GMDS: variants seen among roughly 807,000 people sequenced by gnomAD.
The protein encoded by GMDS is GDP-mannose 4,6 dehydratase.
A neutral mutation model predicts 49.9 loss-of-function variants in GMDS; 20 were observed. The ratio of observed to expected loss-of-function variants is 0.40; its 90% CI spans 0.28 to 0.58. The LOEUF (loss-of-function observed/expected upper bound fraction) is 0.58, where lower values mean the gene tolerates loss of function less well. Ranked by LOEUF, GMDS falls within the 20% of genes least tolerant of loss-of-function variation. The probability of loss-of-function intolerance (pLI) is 0.42; values close to 1 mark genes in which losing one functional copy is unlikely to be tolerated. For synonymous variants in GMDS, 177 were observed against 178.6 expected, an observed-to-expected ratio of 0.99 and a Z score of 0.07; for missense variants, 362 against 481.4, an observed-to-expected ratio of 0.75 and a Z score of 2.32.
intron 1 of GMDS, among the ~76,000 whole-genome samples, chr6:2,125,022 G>T (rs1246630489): frequency 6.6e-6 from 1 of 152,210 alleles, no homozygotes; most frequent in Non-Finnish European, 1.5e-5. Context: ...GAATCAGATG[G>T]ATTTGGGTTT....
intron 1 of GMDS, among the ~76,000 whole-genome samples, chr6:2,192,302 C>G (rs1412027471): frequency 6.6e-6 from 1 of 152,168 alleles, no homozygotes; most frequent in African/African-American, 2.4e-5. Context: ...CACTGTGGGT[C>G]TTCTCTGAGC....
intron 7 of GMDS, among the ~76,000 whole-genome samples, chr6:1,872,339 G>C (rs1758803901): frequency 1.3e-5 from 2 of 152,144 alleles, no homozygotes; most frequent in African/African-American, 2.4e-5. Flanking sequence ...CTATTCTTTT[G>C]CCTATGACTT....
At chr6:1,894,736 T>A (rs562511228) in intron 7 of GMDS, among the ~76,000 whole-genome samples, 169 of 152,336 alleles carry the variant, frequency 1.1e-3, no homozygotes, top group African/African-American at 3.1e-3. Context: ...ATCATTTTTT[T>A]AAAAAATTCT....
intron 4 of GMDS, among the ~76,000 whole-genome samples, chr6:1,972,464 T>C (rs879295827): frequency 1.3e-5 from 2 of 152,172 alleles, no homozygotes; most frequent in Non-Finnish European, 2.9e-5. Flanking sequence ...AAAAACTCAC[T>C]GAGATTCTTT....
At chr6:2,178,317 G>A (rs1272779725) in intron 1 of GMDS, among the ~76,000 whole-genome samples, 2 of 152,094 alleles carry the variant, frequency 1.3e-5, no homozygotes, top group Admixed American at 6.6e-5. Context: ...TTGGCTTCTG[G>A]GGAGGCCTCA....
chr6:1,809,230 A>C (rs1403486372), intron 7 of GMDS, among the ~76,000 whole-genome samples: 1 of 152,208 alleles, frequency 6.6e-6, no homozygotes, highest in African/African-American at 2.4e-5. Flanking sequence ...AATCCAATCA[A>C]GAATATAAAG....
intron 9 of GMDS, among the ~76,000 whole-genome samples, chr6:1,654,503 C>A (rs1763810285): frequency 6.6e-6 from 1 of 152,142 alleles, no homozygotes; most frequent in South Asian, 2.1e-4. Context: ...GTGAAATAAG[C>A]CCATTATGAA....
intron 6 of GMDS, among the ~76,000 whole-genome samples, chr6:1,933,570 C>T (rs1054826251): frequency 9.9e-5 from 15 of 152,162 alleles, no homozygotes; most frequent in African/African-American, 3.1e-4. Flanking sequence ...TAGTTGGCAC[C>T]GAGTGGTATC....
At chr6:2,040,318 G>A (rs1272450233) in intron 4 of GMDS, among the ~76,000 whole-genome samples, 2 of 152,154 alleles carry the variant, frequency 1.3e-5, no homozygotes, top group African/African-American at 2.4e-5. Flanking sequence ...ACCAGGTGGT[G>A]GGCATATCAT....
chr6:2,131,723 A>G (rs1211856399), intron 1 of GMDS, among the ~76,000 whole-genome samples: 1 of 152,206 alleles, frequency 6.6e-6, no homozygotes, highest in African/African-American at 2.4e-5. Context: ...ATATATAGAT[A>G]CAGCAAGGGT....
At chr6:1,911,571 T>G (rs1257394387) in intron 7 of GMDS, among the ~76,000 whole-genome samples, 3 of 146,728 alleles carry the variant, frequency 2.0e-5, no homozygotes, top group Admixed American at 2.0e-4. Flanking sequence ...AAAAAAGCCG[T>G]GGAATTTGTC....
chr6:2,164,318 G>C (rs939527656), intron 1 of GMDS, among the ~76,000 whole-genome samples: 1 of 152,182 alleles, frequency 6.6e-6, no homozygotes, highest in Non-Finnish European at 1.5e-5. Context: ...ATTTTGGAGT[G>C]TAGTGTACCT....
chr6:2,163,702 CT>C (rs1465276886), intron 1 of GMDS, among the ~76,000 whole-genome samples: 2 of 152,222 alleles, frequency 1.3e-5, no homozygotes, highest in Non-Finnish European at 2.9e-5. Flanking sequence ...CTATTCAGGA[CT>C]TCAAATACCT....
At chr6:1,911,080 G>A (rs573723227) in intron 7 of GMDS, among the ~76,000 whole-genome samples, 12 of 152,264 alleles carry the variant, frequency 7.9e-5, no homozygotes, top group South Asian at 6.2e-4. Context: ...GAAGCATTTC[G>A]AAAGCAAAGA....
intron 1 of GMDS, among the ~76,000 whole-genome samples, chr6:2,129,876 T>C (rs1229156558): frequency 6.6e-6 from 1 of 152,240 alleles, no homozygotes; most frequent in Non-Finnish European, 1.5e-5. Flanking sequence ...ACACAAATCA[T>C]TGGACAAAAT....
At chr6:1,883,310 A>G (rs6596859) in intron 7 of GMDS, among the ~76,000 whole-genome samples, 144,939 of 152,098 alleles carry the variant, frequency 0.95, 69,216 homozygotes, top group Middle Eastern at 0.99. Context: ...AGAATTGCTT[A>G]ACCCTAGGAG....
rs751778540 is a variant in GMDS at position 1,624,188 on chromosome 6, C to G, written c.1100G>C (p.Arg367Thr). 6.2e-7 allele frequency: 1 copy of G among 1,610,454 alleles called. No individual in the cohort carries two copies. The highest frequency in any genetic ancestry group is 1.1e-5 in the South Asian group (1 of 91,086). ...EMVHADVELM[R>T]TNPNA ...CGCTGCTCAGGCATTGGGGTTTGTC[C>G]TCATGAGCTCCACGTCGGCGTGCAC... is the stretch of plus-strand genomic sequence containing the variant. Residue 367 changes from arginine (R) to threonine (T), a missense_variant, in exon 11 of 11, where the codon AGG becomes ACG. By Grantham distance (71) the Arg-to-Thr change is moderately conservative (BLOSUM62 -1). Transcript: ENST00000380815.
intron 7 of GMDS, among the ~76,000 whole-genome samples, chr6:1,898,019 C>CT (rs1353592859): frequency 1.7e-5 from 2 of 115,808 alleles, no homozygotes; most frequent in African/African-American, 6.7e-5. Flanking sequence ...CCTGGCCTCC[C>CT]TTGCCATCCT....
At chr6:1,651,292 G>A (rs1763645334) in intron 9 of GMDS, among the ~76,000 whole-genome samples, 2 of 152,226 alleles carry the variant, frequency 1.3e-5, no homozygotes, top group Non-Finnish European at 2.9e-5. Flanking sequence ...CAAAGAGTCC[G>A]GCTGGTGTGA....
Sources: gnomAD v4.1 joint callset for allele counts (sites outside exome capture counted in the v4.1 genomes callset) on GRCh38, gnomAD v4.1.1 for gene constraint, MANE v1.5 for transcripts, NCBI Gene and HGNC (gene_info 2026-07-23, HGNC 2026-07-21) for gene names.